DAB1: variants seen among roughly 807,000 people sequenced by gnomAD.
DAB1 encodes DAB adaptor protein 1, also known as disabled homolog 1.
In DAB1, 15 loss-of-function variants were observed where a neutral mutation model predicts 64.6. That is an observed-to-expected ratio of 0.23 (90% confidence interval 0.16 to 0.36). The LOEUF is 0.36. Ranked by LOEUF, DAB1 falls within the 10% of genes least tolerant of loss-of-function variation. The probability of loss-of-function intolerance (pLI) is 1.00; values close to 1 mark genes in which losing one functional copy is unlikely to be tolerated. For synonymous variants in DAB1, 235 were observed against 251.9 expected (o/e 0.93, Z 0.64); for missense variants, 596 against 706.7 (o/e 0.84, Z 1.78).
intron 1 of DAB1, among the ~76,000 whole-genome samples, chr1:58,540,083 G>A (rs901544340): frequency 1.3e-5 from 2 of 152,122 alleles, no homozygotes; most frequent in African/African-American, 4.8e-5. Flanking sequence ...CTCACACAGG[G>A]CATGGTATAC....
At chr1:58,387,243 T>A (rs534448431) in intron 3 of DAB1, among the ~76,000 whole-genome samples, 6 of 152,220 alleles carry the variant, frequency 3.9e-5, no homozygotes, top group Non-Finnish European at 8.8e-5. Context: ...TCCCCTCCAC[T>A]CTCTGAAGGT....
chr1:57,216,709 C>T (rs1666454575), intron 2 of DAB1, among the ~76,000 whole-genome samples: 1 of 152,164 alleles, frequency 6.6e-6, no homozygotes, highest in Non-Finnish European at 1.5e-5. Context: ...TATTTATATG[C>T]CACTTTGTAG....
intron 2 of DAB1, among the ~76,000 whole-genome samples, chr1:57,185,777 G>C (rs116550265): frequency 5.3e-5 from 8 of 152,000 alleles, no homozygotes; most frequent in African/African-American, 1.7e-4. Context: ...TTTTTCCAGA[G>C]AGTGAGGTAA....
At chr1:57,711,798 A>T (rs1433992997) in intron 6 of DAB1, among the ~76,000 whole-genome samples, 1 of 152,234 alleles carries the variant, frequency 6.6e-6, no homozygotes, top group Non-Finnish European at 1.5e-5. Context: ...CATGTGATGA[A>T]GGCAAACTGA....
At chr1:57,704,459 T>C (rs565900403) in intron 6 of DAB1, among the ~76,000 whole-genome samples, 14 of 152,304 alleles carry the variant, frequency 9.2e-5, no homozygotes, top group Admixed American at 9.2e-4. Context: ...GAATTCAGTT[T>C]TAATAATGGT....
intron 2 of DAB1, among the ~76,000 whole-genome samples, chr1:57,246,665 C>G (rs693942): frequency 0.59 from 88,998 of 151,984 alleles, 26,265 homozygotes; most frequent in Admixed American, 0.66. Flanking sequence ...CCACTGACAG[C>G]TTGCATGTGT....
At chr1:58,519,838 G>C (rs959428305) in intron 2 of DAB1, among the ~76,000 whole-genome samples, 4 of 152,148 alleles carry the variant, frequency 2.6e-5, no homozygotes, top group South Asian at 4.1e-4. Context: ...ATTTATAAAA[G>C]AGCATCAAAG....
intron 1 of DAB1, among the ~76,000 whole-genome samples, chr1:57,417,910 A>G (rs1239256019): frequency 6.6e-6 from 1 of 152,152 alleles, no homozygotes; most frequent in Non-Finnish European, 1.5e-5. Context: ...AAGCCTTGAG[A>G]AACTCCTGGT....
At chr1:57,817,433 C>G (rs1033366499) in intron 6 of DAB1, among the ~76,000 whole-genome samples, 1 of 152,218 alleles carries the variant, frequency 6.6e-6, no homozygotes, top group Non-Finnish European at 1.5e-5. Flanking sequence ...GGTCAGACAT[C>G]ACGAGCATCC....
intron 6 of DAB1, among the ~76,000 whole-genome samples, chr1:57,701,688 TATAATA>T (rs375526893): frequency 1.3e-5 from 2 of 151,406 alleles, no homozygotes; most frequent in Non-Finnish European, 2.9e-5. Context: ...AAACTTAAAG[TATAATA>T]ATAATAATAA....
chr1:57,575,142 G>A (rs180864403), intron 7 of DAB1, among the ~76,000 whole-genome samples: 8 of 152,226 alleles, frequency 5.3e-5, no homozygotes, highest in African/African-American at 1.4e-4. Flanking sequence ...GGCTTTCAGC[G>A]GGCACCTTGC....
At chr1:57,433,408 T>G (rs1685581963) in intron 7 of DAB1, among the ~76,000 whole-genome samples, 1 of 152,168 alleles carries the variant, frequency 6.6e-6, no homozygotes. Flanking sequence ...CTTGATTTTT[T>G]TTTGAAAAGT....
intron 1 of DAB1, among the ~76,000 whole-genome samples, chr1:57,347,395 C>T (rs527791019): frequency 1.1e-4 from 17 of 152,326 alleles, no homozygotes; most frequent in Non-Finnish European, 2.2e-4. Context: ...GGTGGTATTA[C>T]AGGATTTCTA....
At chr1:57,422,263 G>C (rs917779421) in intron 1 of DAB1, among the ~76,000 whole-genome samples, 1 of 152,210 alleles carries the variant, frequency 6.6e-6, no homozygotes, top group Non-Finnish European at 1.5e-5. Flanking sequence ...TAACCGGCCA[G>C]CAGGAAGGGA....
chr1:57,024,858 G>A (rs1052934535), intron 10 of DAB1, among the ~76,000 whole-genome samples: 6 of 152,182 alleles, frequency 3.9e-5, no homozygotes, highest in East Asian at 1.9e-4. Context: ...AATGACAATC[G>A]CTAGAGCCAT....
chr1:57,820,957 G>A (rs529725451), intron 6 of DAB1, among the ~76,000 whole-genome samples: 2 of 152,194 alleles, frequency 1.3e-5, no homozygotes, highest in South Asian at 2.1e-4. Flanking sequence ...ATTTCTGCTC[G>A]AGTTAAGTAC....
intron 5 of DAB1, among the ~76,000 whole-genome samples, chr1:57,915,700 T>C (rs1644716588): frequency 2.0e-5 from 3 of 152,090 alleles, no homozygotes; most frequent in Admixed American, 2.0e-4. Context: ...ATGCACAGTA[T>C]ATGAAAAGCT....
intron 7 of DAB1, among the ~76,000 whole-genome samples, chr1:57,446,853 C>T (rs1221098513): frequency 6.6e-6 from 1 of 152,136 alleles, no homozygotes; most frequent in African/African-American, 2.4e-5. Flanking sequence ...CACATTGATT[C>T]TTAATTACTC....
At chr1:57,725,083 C>G (rs1309647793) in intron 6 of DAB1, among the ~76,000 whole-genome samples, 1 of 152,178 alleles carries the variant, frequency 6.6e-6, no homozygotes, top group African/African-American at 2.4e-5. Flanking sequence ...AGTACAAGGG[C>G]TGTGGCCTAA....
Sources: gnomAD v4.1 joint callset for allele counts (sites outside exome capture counted in the v4.1 genomes callset) on GRCh38, gnomAD v4.1.1 for gene constraint, MANE v1.5 for transcripts, NCBI Gene and HGNC (gene_info 2026-07-23, HGNC 2026-07-21) for gene names.